Variants in CCDC138 observed in about 807,000 individuals in gnomAD.
The protein encoded by CCDC138 is coiled-coil domain containing 138.
CCDC138 carries 66 observed loss-of-function variants against 82.3 expected under a neutral mutation model. The ratio of observed to expected loss-of-function variants is 0.80; its 90% CI spans 0.66 to 0.98. CCDC138 has a LOEUF of 0.98. Ranked by LOEUF, CCDC138 falls within the 50% of genes least tolerant of loss-of-function variation. CCDC138 has a pLI of 0.00. For missense variants in CCDC138, 816 were observed against 758.9 expected (o/e 1.08, Z -0.88); for synonymous variants, 297 against 265.4 (o/e 1.12, Z -1.16).
intron 12 of CCDC138, among the ~76,000 whole-genome samples, chr2:108,850,443 T>G (rs1369643132): frequency 1.3e-5 from 2 of 152,134 alleles, no homozygotes; most frequent in African/African-American, 2.4e-5. Flanking sequence ...TGGCGAGTTT[T>G]TTTTGTTTTG....
At chr2:108,831,541 GAC>G (rs893305308) in intron 10 of CCDC138, among the ~76,000 whole-genome samples, 1 of 152,198 alleles carries the variant, frequency 6.6e-6, no homozygotes, top group Admixed American at 6.5e-5. Flanking sequence ...GCTAGGAAAA[GAC>G]AGTGTTTGCT....
intron 12 of CCDC138, among the ~76,000 whole-genome samples, chr2:108,853,852 C>G (rs1489950292): frequency 3.3e-5 from 4 of 121,556 alleles, no homozygotes; most frequent in East Asian, 2.2e-4. Flanking sequence ...TATATATATA[C>G]TATATATATA....
intron 5 of CCDC138, among the ~76,000 whole-genome samples, chr2:108,796,471 C>G (rs1484592697): frequency 6.6e-6 from 1 of 152,174 alleles, no homozygotes; most frequent in Non-Finnish European, 1.5e-5. Flanking sequence ...CCAGCAATCC[C>G]ACTCCTGGGT....
At chr2:108,820,716 C>CAAAAAAA (rs386390865) in intron 10 of CCDC138, among the ~76,000 whole-genome samples, 2 of 86,348 alleles carry the variant, frequency 2.3e-5, no homozygotes, top group African/African-American at 9.7e-5. Context: ...AAAAAAAAAA[C>CAAAAAAA]AAACAACAAA....
intron 13 of CCDC138, among the ~76,000 whole-genome samples, chr2:108,862,804 T>C (rs1693841379): frequency 6.6e-6 from 1 of 152,192 alleles, no homozygotes; most frequent in Non-Finnish European, 1.5e-5. Context: ...TTTGTTTTTT[T>C]TTACGTGGTT....
At chr2:108,807,380 T>C (rs1385170317) in intron 7 of CCDC138, among the ~76,000 whole-genome samples, 4 of 152,210 alleles carry the variant, frequency 2.6e-5, no homozygotes, top group Non-Finnish European at 5.9e-5. Flanking sequence ...GGTTTTAAAA[T>C]TATTTTTAAT....
chr2:108,835,170 C>A (rs1688366395), intron 10 of CCDC138, among the ~76,000 whole-genome samples: 1 of 152,104 alleles, frequency 6.6e-6, no homozygotes, highest in African/African-American at 2.4e-5. Context: ...CATTATGATT[C>A]AAACATTAGT....
chr2:108,788,594 C>T (rs1483013729), intron 2 of CCDC138, among the ~76,000 whole-genome samples: 3 of 151,686 alleles, frequency 2.0e-5, no homozygotes, highest in African/African-American at 7.3e-5. Context: ...GTGGCGGGCT[C>T]CTGTAGTCCC....
rs1357138111 is a variant in CCDC138, at chr2:108,876,527, A to G, written c.*274A>G. On this transcript the variant is annotated 3_prime_UTR_variant, in exon 15 of 15. Transcript: ENST00000295124. ...TTTGTAAAAATATATTAGGAAAATT[A>G]TTTCTTAAAATTATGTGATTATTTG... is the stretch of plus-strand genomic sequence containing the variant. 1 of 216,322 alleles carries G rather than the reference A, an allele frequency of 4.6e-6. No individual in the cohort carries two copies. Among genetic ancestry groups the G allele is most frequent in the African/African-American group, 2.3e-5 (1 of 43,896 alleles). The allele number at this position is 216,322 out of a possible 1,614,324, so 13.4% of individuals were successfully genotyped here.
chr2:108,846,642 A>C, intron 11 of CCDC138, 96 bp from the exon 12 acceptor site: 1 of 1,077,250 alleles, frequency 9.3e-7, no homozygotes, highest in South Asian at 1.5e-5. Context: ...GCGCTACTGC[A>C]TTCCAACCTG....
chr2:108,867,223 A>G (rs1694551679), intron 13 of CCDC138, among the ~76,000 whole-genome samples: 1 of 152,170 alleles, frequency 6.6e-6, no homozygotes, highest in Non-Finnish European at 1.5e-5. Context: ...AAGAGGAATA[A>G]CTAAGTCTTT....
At chr2:108,875,529 T>G (rs1695903793) in intron 14 of CCDC138, among the ~76,000 whole-genome samples, 2 of 152,126 alleles carry the variant, frequency 1.3e-5, no homozygotes, top group South Asian at 4.1e-4. Flanking sequence ...TCTCACGCTC[T>G]CTAATAGTGA....
At chr2:108,817,371 C>T (rs965292104) in intron 10 of CCDC138, among the ~76,000 whole-genome samples, 1 of 151,888 alleles carries the variant, frequency 6.6e-6, no homozygotes, top group East Asian at 1.9e-4. Context: ...TGGCTCACTG[C>T]AGCCTCCACC....
chr2:108,878,487 CAT>C (rs1355835150), downstream of CCDC138: 7 of 216,024 alleles, frequency 3.2e-5, no homozygotes, highest in South Asian at 5.6e-4. Context: ...AGATGGCACA[CAT>C]ATTTATGCTG....
intron 13 of CCDC138, among the ~76,000 whole-genome samples, chr2:108,867,931 A>G (rs1053979457): frequency 6.6e-6 from 1 of 152,180 alleles, no homozygotes; most frequent in African/African-American, 2.4e-5. Context: ...TTAAAAAATA[A>G]TTTTATTCTG....
chr2:108,844,472 T>G (rs1690108194), intron 11 of CCDC138, among the ~76,000 whole-genome samples: 2 of 152,218 alleles, frequency 1.3e-5, no homozygotes, highest in Admixed American at 6.5e-5. Context: ...ATGCAGGTGT[T>G]CCTTTTGTCA....
chr2:108,792,957 G>T (rs536707925), intron 4 of CCDC138, among the ~76,000 whole-genome samples: 48 of 151,734 alleles, frequency 3.2e-4, no homozygotes, highest in African/African-American at 1.1e-3. Flanking sequence ...CCAGTTACTC[G>T]GGAGGCTGAG....
chr2:108,787,894 T>G, intron 1 of CCDC138, 138 bp from the exon 2 acceptor site: 1 of 728,828 alleles, frequency 1.4e-6, no homozygotes, highest in Non-Finnish European at 2.1e-6. Context: ...ATATTAGTTT[T>G]GATCACTTGG....
At chr2:108,846,517 A>C (rs1421069000) in intron 11 of CCDC138, among the ~76,000 whole-genome samples, 2 of 127,668 alleles carry the variant, frequency 1.6e-5, no homozygotes, top group African/African-American at 2.8e-5. Flanking sequence ...ATCTCTACCG[A>C]AAAAAAAAAA....
Sources: allele counts gnomAD v4.1 joint callset (sites outside exome capture counted in the v4.1 genomes callset), GRCh38; gene constraint gnomAD v4.1.1; transcripts MANE v1.5; gene names NCBI Gene and HGNC (gene_info 2026-07-23, HGNC 2026-07-21).